The following MAP1B variants were observed in gnomAD, a reference collection of about 807,000 sequenced individuals.
MAP1B encodes microtubule-associated protein 1B.
MAP1B carries 12 observed loss-of-function variants against 176.1 expected under a neutral mutation model. That is an observed-to-expected ratio of 0.07 (90% CI 0.04 to 0.11). MAP1B has a LOEUF of 0.11. MAP1B is among the 10% of genes least tolerant of loss of function. MAP1B has a pLI of 1.00. For synonymous variants in MAP1B, 1,044 were observed against 1,135.0 expected (o/e 0.92, Z 1.61); for missense variants, 2,523 against 2,990.5 (o/e 0.84, Z 3.65).
intron 2 of MAP1B, among the ~76,000 whole-genome samples, chr5:72,146,253 G>A (rs1746044309): frequency 6.6e-6 from 1 of 152,188 alleles, no homozygotes; most frequent in Non-Finnish European, 1.5e-5. Flanking sequence ...CAGTGACCCA[G>A]CTCATCTAAT....
intron 2 of MAP1B, among the ~76,000 whole-genome samples, chr5:72,173,050 G>A (rs968708043): frequency 7.2e-5 from 11 of 152,190 alleles, no homozygotes; most frequent in Admixed American, 1.3e-4. Flanking sequence ...AATGCAGACC[G>A]TTGGGCTGTT....
Position 72,183,743 on chromosome 5 carries a change from G to A in MAP1B, c.287G>A (p.Gly96Glu). 6.2e-7 allele frequency: 1 copy of A among 1,613,748 alleles called. No homozygotes were observed. The highest frequency in any genetic ancestry group is 8.5e-7 in the Non-Finnish European group (1 of 1,179,692). ...HSARFSPEVP[G>E]QKILHHRSDV... ...TTTGTTTGTGTTTTTGTGCCTGCAG[G>A]ACAAAAGATCCTTCATCACCGAAGT... Residue 96 changes from glycine (G) to glutamate (E), a missense_variant and splice_region_variant, in exon 3 of 7, where the codon GGA becomes GAA. By Grantham distance (98) the Gly-to-Glu change is moderately conservative. Around this residue, in one of 4 missense-constraint regions of MAP1B, gnomAD observed 307 missense variants for 438.4 expected, o/e 0.70. Transcript: ENST00000296755.
chr5:72,162,769 T>A (rs926295873), intron 2 of MAP1B, among the ~76,000 whole-genome samples: 1 of 152,216 alleles, frequency 6.6e-6, no homozygotes, highest in African/African-American at 2.4e-5. Flanking sequence ...CTTTGAGTCC[T>A]TTAAGTTTTA....
intron 2 of MAP1B, among the ~76,000 whole-genome samples, chr5:72,146,022 T>G (rs1405431748): frequency 6.6e-6 from 1 of 152,056 alleles, no homozygotes; most frequent in East Asian, 1.9e-4. Context: ...GCATTGGGAG[T>G]GATTTTGGAA....
chr5:72,144,112 C>T (rs945859986), intron 2 of MAP1B, among the ~76,000 whole-genome samples: 3 of 152,186 alleles, frequency 2.0e-5, no homozygotes, highest in Non-Finnish European at 4.4e-5. Context: ...CAAATGAGGT[C>T]ACATTCTGAG....
Position 72,199,798 on chromosome 5 carries a change from C to T in MAP1B, c.6443C>T (p.Thr2148Ile), listed in dbSNP as rs1364386858. The stretch of plus-strand genomic sequence containing the variant: ...CGACAGTGTGATGAAACCCCTCCCA[C>T]CTCAGTCAGCGAGTCAGCCCCATCC... ...QGRQCDETPP[T>I]SVSESAPSQT... is the part of the protein sequence containing the mutation. The change falls in exon 5 of 7, where the codon ACC becomes ATC. Residue 2148 changes from threonine to isoleucine, a missense_variant. Physicochemically the swap from Thr to Ile is moderately conservative, Grantham distance 89. Coordinates refer to ENST00000296755, the MANE Select transcript of MAP1B (RefSeq NM_005909.5). This position sits in a 1 kb window ranked among gnomAD's most constrained non-coding sequence, Gnocchi z 4.2. 1.2e-6 allele frequency: 2 copies of T among 1,614,078 alleles called. No individual in the cohort carries two copies. The highest frequency in any genetic ancestry group is 1.7e-6 in the Non-Finnish European group (2 of 1,180,034).
Position 72,196,052 on chromosome 5 carries a change from T to C in MAP1B, c.2697T>C (p.Thr899=), listed in dbSNP as rs1205482489. 2 of 1,613,982 alleles carry C rather than the reference T, an allele frequency of 1.2e-6. No homozygotes were observed. The highest frequency in any genetic ancestry group is 2.7e-5 in the African/African-American group (2 of 74,958). ...CCCCTGATGAGGGAATCACTACCACTGAAGGGGAGGGCGAATGTGAACAGA... is the reference window on the plus strand; with the variant it reads ...CCCCTGATGAGGGAATCACTACCACCGAAGGGGAGGGCGAATGTGAACAGA... ...AESPDEGITT[T]EGEGECEQTP... The change falls in exon 5 of 7, where the codon ACT becomes ACC. Residue 899 remains threonine, a synonymous_variant. Coordinates refer to ENST00000296755, the MANE Select transcript of MAP1B (RefSeq NM_005909.5). This position sits in a 1 kb window ranked among gnomAD's most constrained non-coding sequence, Gnocchi z 5.3.
intron 2 of MAP1B, among the ~76,000 whole-genome samples, chr5:72,132,144 T>C (rs555988839): frequency 6.6e-6 from 1 of 152,344 alleles, no homozygotes; most frequent in South Asian, 2.1e-4. Context: ...GAACAGATTT[T>C]CTTGTTCTAT....
Position 72,199,267 on chromosome 5 carries a change from G to A in MAP1B, c.5912G>A (p.Gly1971Asp), listed in dbSNP as rs1056577081. ...EKTTSPPEVS[G>D]YSYEKTERSR... is the part of the protein sequence containing the mutation. The stretch of plus-strand genomic sequence containing the variant: ...ACCACCAGCCCCCCCGAAGTGAGTG[G>A]TTACAGCTATGAAAAGACTGAGAGG... The change falls in exon 5 of 7, where the codon GGT (glycine) becomes GAT (aspartate). Residue 1971 changes from glycine to aspartate, a missense_variant. Around this residue, in one of 4 missense-constraint regions of MAP1B, gnomAD observed 1,925 missense variants for 2,126.0 expected, o/e 0.91. Coordinates refer to ENST00000296755, the MANE Select transcript of MAP1B (RefSeq NM_005909.5). This position sits in a 1 kb window ranked among gnomAD's most constrained non-coding sequence, Gnocchi z 4.2. 3 of 1,614,090 alleles carry A rather than the reference G, an allele frequency of 1.9e-6. No individual in the cohort carries two copies. Among genetic ancestry groups the A allele is most frequent in the Non-Finnish European group, 2.5e-6 (3 of 1,180,024 alleles).
At chr5:72,114,599 TATATA>T (rs1461854056) in intron 1 of MAP1B, among the ~76,000 whole-genome samples, 1 of 152,190 alleles carries the variant, frequency 6.6e-6, no homozygotes, top group African/African-American at 2.4e-5. Flanking sequence ...AAAAATGTAA[TATATA>T]ATATGTAAAC....
rs115224384 is a variant in MAP1B at position 72,179,105 on chromosome 5, C to T, written c.287-4638C>T. Among the ~76,000 whole-genome samples, 803 of 152,216 alleles carry T rather than the reference C, an allele frequency of 5.3e-3. 6 individuals carry two copies. The highest frequency in any genetic ancestry group is 0.018 in the African/African-American group (768 of 41,534). On this transcript the variant is annotated intron_variant, in intron 2 of 6. Coordinates refer to ENST00000296755, the MANE Select transcript of MAP1B (RefSeq NM_005909.5). The stretch of plus-strand genomic sequence containing the variant: ...CTGTCCTCTTTTGATTCTGAGGTGG[C>T]GCGGACCCCTTTTGTCACACACAAT...
At chr5:72,185,452 G>C (rs557996983) in intron 3 of MAP1B, among the ~76,000 whole-genome samples, 1 of 151,958 alleles carries the variant, frequency 6.6e-6, no homozygotes, top group Non-Finnish European at 1.5e-5. Flanking sequence ...AAAATTAGCC[G>C]GGCATGGTGT....
chr5:72,150,614 T>C (rs180769564), intron 2 of MAP1B, among the ~76,000 whole-genome samples: 6 of 152,356 alleles, frequency 3.9e-5, no homozygotes, highest in Admixed American at 1.3e-4. Context: ...TTAAGCCTAG[T>C]ACCCATTAGT....
intron 2 of MAP1B, among the ~76,000 whole-genome samples, chr5:72,132,803 AC>A (rs1260302279): frequency 1.3e-5 from 2 of 152,114 alleles, no homozygotes; most frequent in Non-Finnish European, 2.9e-5. Flanking sequence ...TATTTTTTCC[AC>A]CAAATCTCAA....
chr5:72,115,272 C>T (rs1232850389), intron 1 of MAP1B, among the ~76,000 whole-genome samples: 1 of 152,168 alleles, frequency 6.6e-6, no homozygotes, highest in African/African-American at 2.4e-5. Flanking sequence ...ATTTTCTTTG[C>T]CTTTATTCTA....
At chr5:72,117,895 C>G (rs1032321537) in intron 2 of MAP1B, among the ~76,000 whole-genome samples, 3 of 152,090 alleles carry the variant, frequency 2.0e-5, no homozygotes, top group Non-Finnish European at 2.9e-5. Context: ...GGTTTCCAAC[C>G]AGGACTGTAA....
intron 2 of MAP1B, among the ~76,000 whole-genome samples, chr5:72,140,283 A>G (rs1253255529): frequency 6.6e-6 from 1 of 152,198 alleles, no homozygotes; most frequent in Non-Finnish European, 1.5e-5. Flanking sequence ...TTTTACCTTA[A>G]CCATGGTATA....
At chr5:72,129,293 C>T (rs761310258) in intron 2 of MAP1B, among the ~76,000 whole-genome samples, 5 of 152,176 alleles carry the variant, frequency 3.3e-5, no homozygotes, top group African/African-American at 1.2e-4. Flanking sequence ...TGGTGGCTCA[C>T]GCCTGTAATC....
chr5:72,149,981 G>C (rs1746113504), intron 2 of MAP1B, among the ~76,000 whole-genome samples: 1 of 152,224 alleles, frequency 6.6e-6, no homozygotes, highest in African/African-American at 2.4e-5. Context: ...TTGGCTGTGT[G>C]TATGTGTCTG....
Sources: gnomAD v4.1 joint callset for allele counts (sites outside exome capture counted in the v4.1 genomes callset) on GRCh38, gnomAD v4.1.1 for gene constraint, gnomAD v4.1.1 regional missense constraint, Gnocchi (gnomAD v3.1) non-coding constraint, MANE v1.5 for transcripts, NCBI Gene and HGNC (gene_info 2026-07-23, HGNC 2026-07-21) for gene names.